Variants in TRPC6 observed in about 807,000 individuals in gnomAD.
TRPC6 encodes short transient receptor potential channel 6.
In TRPC6, 55 loss-of-function variants were observed where a neutral mutation model predicts 90.7. The ratio of observed to expected loss-of-function variants is 0.61; its 90% CI spans 0.49 to 0.76. The LOEUF (loss-of-function observed/expected upper bound fraction) is 0.76, where lower values mean the gene tolerates loss of function less well. Among genes scored for constraint, TRPC6 ranks in the 30% least tolerant of loss-of-function variants. The probability of loss-of-function intolerance (pLI) is 0.00; values close to 1 mark genes in which losing one functional copy is unlikely to be tolerated. For missense variants in TRPC6, 989 were observed against 1,122.7 expected, an observed-to-expected ratio of 0.88 and a Z score of 1.70; for synonymous variants, 393 against 393.0, an observed-to-expected ratio of 1.00 and a Z score of 0.00.
chr11:101,463,456 G>T (rs981382057), intron 10 of TRPC6, among the ~76,000 whole-genome samples: 4 of 152,000 alleles, frequency 2.6e-5, no homozygotes, highest in African/African-American at 9.7e-5. Flanking sequence ...TTTTTGGTTG[G>T]TACGCTATTA....
At chr11:101,572,241 A>G (rs1275621396) in intron 1 of TRPC6, among the ~76,000 whole-genome samples, 1 of 149,372 alleles carries the variant, frequency 6.7e-6, no homozygotes, top group African/African-American at 2.5e-5. Context: ...AAAAGAAGAC[A>G]TTTTTGTAGC....
At chr11:101,518,311 A>G (rs903637777) in intron 1 of TRPC6, among the ~76,000 whole-genome samples, 3 of 152,204 alleles carry the variant, frequency 2.0e-5, no homozygotes, top group African/African-American at 7.2e-5. Flanking sequence ...GGGATTAATA[A>G]CCAGAATATA....
intron 7 of TRPC6, among the ~76,000 whole-genome samples, chr11:101,473,188 T>C (rs1859333588): frequency 6.6e-6 from 1 of 152,118 alleles, no homozygotes; most frequent in Non-Finnish European, 1.5e-5. Context: ...GCCTGGCTTG[T>C]TCCACACACA....
Position 101,504,716 on chromosome 11 carries a change from C to T in TRPC6, c.253G>A (p.Ala85Thr). 1 of 1,594,254 alleles carries T rather than the reference C, an allele frequency of 6.3e-7. No individual in the cohort carries two copies. The highest frequency in any genetic ancestry group is 8.5e-7 in the Non-Finnish European group (1 of 1,169,612). ...GTGGAGCGATCACTAAACATGTATG[C>T]TGGTCCTCGATTAGCTAACCTTCTC... Reference protein sequence around the residue: ...KGRRLANRGPAYMFSDRSTSL... With the variant: ...KGRRLANRGPTYMFSDRSTSL... The change falls in exon 2 of 13, where the codon GCA (alanine) becomes ACA (threonine). Residue 85 changes from alanine to threonine, a missense_variant. Around this residue, in one of 4 missense-constraint regions of TRPC6, gnomAD observed 194 missense variants for 136.5 expected, o/e 1.42. Transcript: ENST00000344327.
At chr11:101,559,590 A>C (rs1861665472) in intron 1 of TRPC6, among the ~76,000 whole-genome samples, 1 of 151,830 alleles carries the variant, frequency 6.6e-6, no homozygotes, top group African/African-American at 2.4e-5. Context: ...ATTTTTCAAA[A>C]TTTTTGTTTC....
intron 1 of TRPC6, among the ~76,000 whole-genome samples, chr11:101,523,962 GTGGTT>G (rs1484707912): frequency 3.3e-5 from 5 of 152,166 alleles, no homozygotes; most frequent in Non-Finnish European, 7.3e-5. Flanking sequence ...TGATTCTTCT[GTGGTT>G]TTAAAATTAT....
At chr11:101,462,647 C>T (rs1312164272) in intron 10 of TRPC6, among the ~76,000 whole-genome samples, 1 of 152,156 alleles carries the variant, frequency 6.6e-6, no homozygotes, top group African/African-American at 2.4e-5. Context: ...GATTTGTGCA[C>T]ATTGATTTTG....
intron 10 of TRPC6, among the ~76,000 whole-genome samples, chr11:101,469,042 G>A (rs1488281063): frequency 1.3e-5 from 2 of 152,062 alleles, no homozygotes; most frequent in African/African-American, 4.8e-5. Flanking sequence ...TTTTTCCATC[G>A]CTTCTTGATT....
At chr11:101,480,906 A>T (rs749829927) in intron 5 of TRPC6, among the ~76,000 whole-genome samples, 2 of 152,306 alleles carry the variant, frequency 1.3e-5, no homozygotes, top group Non-Finnish European at 2.9e-5. Context: ...TAGTCTCATC[A>T]ATTAAATTAG....
At chr11:101,460,944 T>C (rs1319592550) in intron 10 of TRPC6, among the ~76,000 whole-genome samples, 4 of 152,206 alleles carry the variant, frequency 2.6e-5, no homozygotes, top group African/African-American at 7.2e-5. Context: ...GGCCATATTG[T>C]CAATTATAAC....
At chr11:101,495,562 C>G (rs1315319583) in intron 2 of TRPC6, among the ~76,000 whole-genome samples, 2 of 150,222 alleles carry the variant, frequency 1.3e-5, no homozygotes, top group African/African-American at 2.4e-5. Context: ...ATGCCAAGTT[C>G]CTGGCACAGG....
intron 1 of TRPC6, 67 bp downstream of exon 1, chr11:101,583,267 T>G: frequency 5.9e-6 from 9 of 1,519,734 alleles, no homozygotes; most frequent in Non-Finnish European, 7.0e-6. Context: ...ACTCGGCCAC[T>G]CCTGCGAGCG....
chr11:101,525,048 G>T (rs1010488518), intron 1 of TRPC6, among the ~76,000 whole-genome samples: 2 of 152,164 alleles, frequency 1.3e-5, no homozygotes, highest in African/African-American at 2.4e-5. Flanking sequence ...TTGAAGAGAT[G>T]AATATGTTTA....
rs1858776231 is a variant in TRPC6 at position 101,452,112 on chromosome 11, A to AAAC, written c.*840_*842dup. 1 of 152,198 alleles carries AAAC rather than the reference A, an allele frequency of 6.6e-6. No homozygotes were observed. Among genetic ancestry groups the AAAC allele is most frequent in the African/African-American group, 2.4e-5 (1 of 41,452 alleles). 9.4% of individuals were successfully genotyped at this position (152,198 alleles called of 1,614,324 possible). On this transcript the variant is annotated 3_prime_UTR_variant, in exon 13 of 13. Transcript: ENST00000344327. ...CACAAAATTGTGCTATAATGGAACC[A>AAAC]AACAACCACAGTGTTTGTTTGGGGT...
intron 2 of TRPC6, among the ~76,000 whole-genome samples, chr11:101,497,599 G>A (rs760943950): frequency 6.6e-5 from 10 of 152,132 alleles, no homozygotes; most frequent in Non-Finnish European, 1.5e-4. Flanking sequence ...AGACCTCTAG[G>A]AAGATGTAAA....
In TRPC6 at chr11:101,473,791, CAA is replaced by C; in HGVS notation, c.1745-20_1745-19del. On this transcript the variant is annotated intron_variant, in intron 6 of 12. Coordinates refer to ENST00000344327, the MANE Select transcript of TRPC6 (RefSeq NM_004621.6). ...TATCCTGGCTAGGAAAAAGCAAAGACAAAGAGTTGTGTGAGTTTCTTCAAGTT... is the reference window on the plus strand; with the variant it reads ...TATCCTGGCTAGGAAAAAGCAAAGACAGAGTTGTGTGAGTTTCTTCAAGTT... 1 of 1,613,322 alleles carries C rather than the reference CAA, an allele frequency of 6.2e-7. No homozygotes were observed. The highest frequency in any genetic ancestry group is 8.5e-7 in the Non-Finnish European group (1 of 1,179,542).
intron 2 of TRPC6, among the ~76,000 whole-genome samples, chr11:101,501,266 T>TA (rs1555003234): frequency 1.2e-3 from 51 of 44,328 alleles, no homozygotes; most frequent in African/African-American, 5.8e-3. Context: ...TAAAAAGATT[T>TA]TAAAAAAAAA....
chr11:101,472,036 A>T, intron 8 of TRPC6, 101 bp downstream of exon 8: 1 of 1,223,734 alleles, frequency 8.2e-7, no homozygotes, highest in Non-Finnish European at 1.2e-6. Flanking sequence ...GAATGAACAA[A>T]GGGCGAAGAG....
chr11:101,577,535 T>C (rs1433343203), intron 1 of TRPC6, among the ~76,000 whole-genome samples: 3 of 151,994 alleles, frequency 2.0e-5, no homozygotes, highest in Non-Finnish European at 2.9e-5. Context: ...GTTTGGAAAA[T>C]AGATATTACA....
Sources: gnomAD v4.1 joint callset for allele counts (sites outside exome capture counted in the v4.1 genomes callset) on GRCh38, gnomAD v4.1.1 for gene constraint, gnomAD v4.1.1 regional missense constraint, MANE v1.5 for transcripts, NCBI Gene and HGNC (gene_info 2026-07-23, HGNC 2026-07-21) for gene names.